Variants in RIC3 observed in about 807,000 individuals in gnomAD.
RIC3 encodes the protein RIC3 acetylcholine receptor chaperone, also known as protein RIC-3.
In RIC3, 28 loss-of-function variants were observed where a neutral mutation model predicts 27.3. That is an observed-to-expected ratio of 1.02 (90% CI 0.76 to 1.41). The LOEUF is 1.41. Among genes scored for constraint, RIC3 ranks in the 40% most tolerant of loss-of-function variants. The pLI is 0.00. For missense variants in RIC3, 501 were observed against 444.7 expected, an observed-to-expected ratio of 1.13 and a Z score of -1.14; for synonymous variants, 184 against 160.4, an observed-to-expected ratio of 1.15 and a Z score of -1.11.
chr11:8,148,483 T>C (rs1234815156), intron 1 of RIC3, among the ~76,000 whole-genome samples: 1 of 152,228 alleles, frequency 6.6e-6, no homozygotes, highest in Non-Finnish European at 1.5e-5. Context: ...TGTAGTATTA[T>C]GTTGTGGAAC....
chr11:8,163,849 T>A, intron 1 of RIC3, among the ~76,000 whole-genome samples: 1 of 149,874 alleles, frequency 6.7e-6, no homozygotes, highest in African/African-American at 2.5e-5. Flanking sequence ...AAAGTGATGA[T>A]CCAAAATTCC....
chr11:8,146,634 G>C (rs574873440), intron 1 of RIC3, among the ~76,000 whole-genome samples: 1 of 152,256 alleles, frequency 6.6e-6, no homozygotes, highest in East Asian at 1.9e-4. Context: ...AAGGCGGTTA[G>C]GGTGCAGCTT....
intron 1 of RIC3, among the ~76,000 whole-genome samples, chr11:8,158,981 T>C (rs1158882911): frequency 6.6e-6 from 1 of 151,352 alleles, no homozygotes; most frequent in Non-Finnish European, 1.5e-5. Context: ...TCCACCCGCC[T>C]TGGCCTCCCA....
intron 5 of RIC3, among the ~76,000 whole-genome samples, chr11:8,120,439 G>C (rs1946311544): frequency 6.6e-6 from 1 of 152,052 alleles, no homozygotes; most frequent in East Asian, 1.9e-4. Flanking sequence ...CTATGACAAG[G>C]ACAAAAAACC....
At position 8,140,182 on chromosome 11, in the gene RIC3, G is replaced by C. The variant is rs201805287; in HGVS notation, c.136C>G (p.Arg46Gly). Residue 46 changes from arginine (R) to glycine (G), a missense_variant, in exon 2 of 6, where the codon CGA becomes GGA. Transcript: ENST00000309737. The part of the protein sequence containing the change: ...PPPTPEGKLG[R>G]FPPMMHHHQA... The stretch of plus-strand genomic sequence containing the variant: ...TGATGATGCATCATAGGTGGAAATC[G>C]GCCCAATTTTCCTGAGAAAATAATA... 1.2e-6 allele frequency: 2 copies of C among 1,610,452 alleles called. No homozygotes were observed. Among genetic ancestry groups the C allele is most frequent in the Non-Finnish European group, 1.7e-6 (2 of 1,178,734 alleles).
downstream of RIC3, chr11:8,102,388 G>A (rs1348690297): frequency 1.3e-5 from 2 of 152,280 alleles, no homozygotes; most frequent in Non-Finnish European, 2.9e-5. Flanking sequence ...GGCTCAGCAT[G>A]CAGAAGTGCA....
the RIC3 span, chr11:8,098,897 C>G: frequency 1.3e-6 from 2 of 1,539,884 alleles, no homozygotes; most frequent in African/African-American, 2.7e-5. Context: ...GTTCGGGGGT[C>G]TCTGATTTCC....
At chr11:8,125,106 T>C (rs1319920110) in intron 5 of RIC3, among the ~76,000 whole-genome samples, 2 of 151,808 alleles carry the variant, frequency 1.3e-5, no homozygotes, top group Non-Finnish European at 2.9e-5. Flanking sequence ...ACAAAAAAAT[T>C]AGCCAGGCAT....
At chr11:8,101,127 T>A (rs1300285531), downstream of RIC3, 2 of 1,129,608 alleles carry the variant, frequency 1.8e-6, no homozygotes, top group Middle Eastern at 2.2e-4. Flanking sequence ...TAAGGTTAGA[T>A]GTATGGAACT....
chr11:8,119,864 A>T (rs1437528899), intron 5 of RIC3, among the ~76,000 whole-genome samples: 1 of 152,228 alleles, frequency 6.6e-6, no homozygotes, highest in Admixed American at 6.5e-5. Context: ...AAACAACCCC[A>T]TCGAAAAGTG....
intron 5 of RIC3, among the ~76,000 whole-genome samples, chr11:8,120,329 G>A (rs185109179): frequency 6.6e-6 from 1 of 152,286 alleles, no homozygotes; most frequent in African/African-American, 2.4e-5. Context: ...AGAAAATGTG[G>A]CATATATACA....
In RIC3 at chr11:8,109,963, G is replaced by A. The variant is rs1043468233; in HGVS notation, c.*735C>T. 2.6e-5 allele frequency: 4 copies of A among 152,766 alleles called. No homozygotes were observed. Among genetic ancestry groups the A allele is most frequent in the African/African-American group, 9.7e-5 (4 of 41,418 alleles). The allele number at this position is 152,766 out of a possible 1,614,324, so 9.5% of individuals were successfully genotyped here. A position where few individuals can be genotyped will look rare whatever the true frequency, so the allele number is the denominator to read the frequency against. On this transcript the variant is annotated 3_prime_UTR_variant, in exon 6 of 6. Coordinates refer to ENST00000309737, the MANE Select transcript of RIC3 (RefSeq NM_001206671.4). Reference sequence around the variant, plus strand: ...TCCACTGAAAACCAGGAGTGCAAAGGTACTTCTGGGCTTGGCAGTTCTGTT... The same window carrying A: ...TCCACTGAAAACCAGGAGTGCAAAGATACTTCTGGGCTTGGCAGTTCTGTT...
At chr11:8,165,230 T>C (rs1324553697) in intron 1 of RIC3, among the ~76,000 whole-genome samples, 2 of 152,166 alleles carry the variant, frequency 1.3e-5, no homozygotes, top group Non-Finnish European at 2.9e-5. Context: ...TACACAAAAA[T>C]TTGTACACAG....
chr11:8,135,182 G>C (rs1403652884), intron 4 of RIC3, among the ~76,000 whole-genome samples: 1 of 152,204 alleles, frequency 6.6e-6, no homozygotes, highest in Non-Finnish European at 1.5e-5. Context: ...AAGGGATCCA[G>C]TTTCAGCTTT....
At chr11:8,121,209 C>T (rs1226575779) in intron 5 of RIC3, among the ~76,000 whole-genome samples, 4 of 152,038 alleles carry the variant, frequency 2.6e-5, no homozygotes, top group Non-Finnish European at 4.4e-5. Context: ...GTTAAAATTC[C>T]ATATAATTTC....
intron 5 of RIC3, among the ~76,000 whole-genome samples, chr11:8,120,616 T>C (rs1946331580): frequency 6.6e-6 from 1 of 152,058 alleles, no homozygotes; most frequent in Non-Finnish European, 1.5e-5. Context: ...ACATGGCACA[T>C]GTATACCTAT....
At chr11:8,158,746 GTTTTA>G (rs1167409104) in intron 1 of RIC3, among the ~76,000 whole-genome samples, 1 of 29,224 alleles carries the variant, frequency 3.4e-5, no homozygotes, top group Non-Finnish European at 7.0e-5. Context: ...TTTGTTTTTT[GTTTTA>G]TTTTGAGATG....
intron 5 of RIC3, among the ~76,000 whole-genome samples, chr11:8,123,471 G>A (rs1027026319): frequency 6.6e-6 from 1 of 152,072 alleles, no homozygotes; most frequent in Non-Finnish European, 1.5e-5. Context: ...AGATCAACAA[G>A]GATGATAAAC....
At chr11:8,130,452 T>C (rs566972818) in intron 4 of RIC3, among the ~76,000 whole-genome samples, 2 of 152,190 alleles carry the variant, frequency 1.3e-5, no homozygotes, top group Non-Finnish European at 2.9e-5. Flanking sequence ...GCTGTTCCTT[T>C]GATATTATGA....
Sources: gnomAD v4.1 joint callset for allele counts (sites outside exome capture counted in the v4.1 genomes callset) on GRCh38, gnomAD v4.1.1 for gene constraint, MANE v1.5 for transcripts, NCBI Gene and HGNC (gene_info 2026-07-23, HGNC 2026-07-21) for gene names.